The following CSTF2 variants were observed in gnomAD, a reference collection of about 807,000 sequenced individuals.
CSTF2 encodes CF-1 64 kDa subunit.
In CSTF2, 8 loss-of-function variants were observed where a neutral mutation model predicts 45.4. The ratio of observed to expected loss-of-function variants is 0.18; its 90% confidence interval spans 0.10 to 0.32. CSTF2 has a LOEUF of 0.32. CSTF2 is among the 10% of genes least tolerant of loss of function. The pLI is 1.00. For missense variants in CSTF2, 253 were observed against 477.1 expected (o/e 0.53, Z 4.38); for synonymous variants, 155 against 158.9 (o/e 0.98, Z 0.18).
At position 100,833,433 on chromosome X, in the gene CSTF2, A is replaced by G; in HGVS notation, c.1461A>G (p.Pro487=). 2 of 1,208,704 alleles carry G rather than the reference A, an allele frequency of 1.7e-6. No individual in the cohort carries two copies. Among genetic ancestry groups the G allele is most frequent in the South Asian group, 1.8e-5 (1 of 56,205 alleles). The change falls in exon 11 of 14, where the codon CCA becomes CCG. Residue 487 remains proline (P), a synonymous_variant. Transcript: ENST00000372972. ...PIPSGMQGPS[P]INMGAVVPQG... is the part of the protein sequence containing the mutation. ...CTAGTGGAATGCAGGGTCCCAGTCC[A>G]ATTAACATGGGGGCGGTTGTCCCCC...
rs891066284 is a variant in CSTF2, at chrX:100,831,729, C to G, written c.1031+73C>G. ...CTTCTTCCCTGAGAACAAAATCTTT[C>G]TGTACCAGTTGTACCTGTTTGCCTA... On this transcript the variant is annotated intron_variant, in intron 9 of 13. Transcript: ENST00000372972. 16 of 1,093,653 alleles carry G rather than the reference C, an allele frequency of 1.5e-5. No homozygotes were observed. The African/African-American group carries it at 2.0e-4, about 14-fold the overall frequency. 90.1% of individuals were successfully genotyped at this position (1,093,653 alleles called of 1,213,427 possible). A position where few individuals can be genotyped will look rare whatever the true frequency, so the allele number is the denominator to read the frequency against.
chrX:100,821,449 G>T, intron 1 of CSTF2, 78 bp from the exon 2 acceptor site: 1 of 696,289 alleles, frequency 1.4e-6, no homozygotes, highest in South Asian at 2.4e-5. Context: ...TCTTATATTT[G>T]ATGATATAAG....
intron 8 of CSTF2, among the ~76,000 whole-genome samples, chrX:100,829,731 C>A (rs1256813045): frequency 9.0e-6 from 1 of 111,526 alleles, no homozygotes; most frequent in Non-Finnish European, 1.9e-5. Context: ...GCACCACTGT[C>A]AATAGATCAT....
chrX:100,828,893 C>T (rs1039638661), intron 8 of CSTF2, among the ~76,000 whole-genome samples: 11 of 112,333 alleles, frequency 9.8e-5, no homozygotes, highest in African/African-American at 3.6e-4. Context: ...GAATAAGTTA[C>T]TTTCTCAAGG....
At chrX:100,827,419 C>T (rs180940213) in intron 7 of CSTF2, among the ~76,000 whole-genome samples, 3 of 112,147 alleles carry the variant, frequency 2.7e-5, no homozygotes, top group Admixed American at 1.9e-4. Context: ...AATGATTCCC[C>T]ATATGAAACA....
chrX:100,823,848 G>T, intron 4 of CSTF2, 38 bp from the exon 5 acceptor site: 1 of 1,192,385 alleles, frequency 8.4e-7, no homozygotes. Context: ...CAGTTTCTAA[G>T]TCATAAGTAT....
chrX:100,838,407 T>A (rs2085021901), intron 13 of CSTF2, 43 bp downstream of exon 13: 1 of 1,146,984 alleles, frequency 8.7e-7, no homozygotes, highest in East Asian at 3.1e-5. Flanking sequence ...TAGCTCCTTG[T>A]CTATTCTGGG....
intron 6 of CSTF2, among the ~76,000 whole-genome samples, chrX:100,825,022 C>T (rs1206115765): frequency 2.7e-5 from 3 of 112,472 alleles, no homozygotes; most frequent in South Asian, 3.7e-4. Context: ...CAGTGACATA[C>T]GGACATGAAA....
intron 2 of CSTF2, 47 bp downstream of exon 2, chrX:100,821,652 A>G: frequency 1.0e-6 from 1 of 980,937 alleles, no homozygotes; most frequent in Non-Finnish European, 1.4e-6. Flanking sequence ...AAAAATCACC[A>G]CAGATTTGGC....
At chrX:100,832,674 G>A in intron 9 of CSTF2, 60 bp from the exon 10 acceptor site, 1 of 1,059,385 alleles carries the variant, frequency 9.4e-7, no homozygotes, top group South Asian at 2.4e-5. Context: ...TACTGATCTG[G>A]TTGGTACTTT....
At position 100,837,400 on chromosome X, in the gene CSTF2, G is replaced by T; in HGVS notation, c.1562G>T (p.Gly521Val). 6 of 1,210,546 alleles carry T rather than the reference G, an allele frequency of 5.0e-6. No homozygotes were observed. The highest frequency in any genetic ancestry group is 4.5e-6 in the Non-Finnish European group (4 of 894,724). ...GASIQGGSQP[G>V]GFSPGQNQVT... Reference sequence around the variant, plus strand: ...AGTATACAGGGTGGAAGCCAGCCTGGCGGCTTTAGTCCCGGGCAGAACCAA... The same window carrying T: ...AGTATACAGGGTGGAAGCCAGCCTGTCGGCTTTAGTCCCGGGCAGAACCAA... The change falls in exon 12 of 14, where the codon GGC (glycine) becomes GTC (valine). Residue 521 changes from glycine to valine, a missense_variant. Gly to Val is a moderately radical substitution (Grantham distance 109). Coordinates refer to ENST00000372972, the MANE Select transcript of CSTF2 (RefSeq NM_001325.3).
intron 7 of CSTF2, 115 bp from the exon 8 acceptor site, chrX:100,827,925 G>T: frequency 2.0e-6 from 1 of 494,175 alleles, no homozygotes; most frequent in Middle Eastern, 3.5e-4. Flanking sequence ...ATCTTCCTTT[G>T]TAGGTTTCTG....
chrX:100,830,474 A>G (rs1046347373), intron 8 of CSTF2, among the ~76,000 whole-genome samples: 2 of 111,801 alleles, frequency 1.8e-5, no homozygotes, highest in Non-Finnish European at 3.8e-5. Flanking sequence ...TCCTTTTTAT[A>G]TATTTTTTTC....
At chrX:100,834,863 G>A (rs1311054363) in intron 11 of CSTF2, among the ~76,000 whole-genome samples, 1 of 111,647 alleles carries the variant, frequency 9.0e-6, no homozygotes, top group East Asian at 2.8e-4. Context: ...TATGATGCAA[G>A]ACATTGCAAG....
intron 9 of CSTF2, 81 bp downstream of exon 9, chrX:100,831,737 G>C (rs1194383505): frequency 1.9e-6 from 2 of 1,047,560 alleles, no homozygotes; most frequent in East Asian, 6.0e-5. Context: ...TTCTGTACCA[G>C]TTGTACCTGT....
intron 5 of CSTF2, 48 bp from the exon 6 acceptor site, chrX:100,824,071 AT>A (rs773514995): frequency 1.6e-5 from 19 of 1,205,597 alleles, no homozygotes; most frequent in Non-Finnish European, 1.9e-5. Flanking sequence ...GAACTACCTG[AT>A]TGCTTTGTTA....
chrX:100,839,317 A>G (rs1345614445), intron 13 of CSTF2, among the ~76,000 whole-genome samples: 1 of 109,772 alleles, frequency 9.1e-6, no homozygotes, highest in Non-Finnish European at 1.9e-5. Flanking sequence ...TTGATTACAC[A>G]TACATGTATC....
chrX:100,826,912 T>TA (rs1339246442), intron 7 of CSTF2, among the ~76,000 whole-genome samples, 155 bp downstream of exon 7: 2 of 112,106 alleles, frequency 1.8e-5, no homozygotes, highest in African/African-American at 6.5e-5. Context: ...GTAGATTTCT[T>TA]ACGTTAAATC....
At position 100,823,966 on chromosome X, in the gene CSTF2, A is replaced by G; in HGVS notation, c.525A>G (p.Ala175=). Residue 175 remains alanine (A), a synonymous_variant, in exon 5 of 14, where the codon GCA becomes GCG. Coordinates refer to ENST00000372972, the MANE Select transcript of CSTF2 (RefSeq NM_001325.3). ...AACTGGCTTATGCTTTGCTGCAAGCACAGGTAGTGATGAGAATTGTGGATC... is the reference window on the plus strand; with the variant it reads ...AACTGGCTTATGCTTTGCTGCAAGCGCAGGTAGTGATGAGAATTGTGGATC... ...NPQLAYALLQ[A]QVVMRIVDPE... 1 of 1,212,092 alleles carries G rather than the reference A, an allele frequency of 8.3e-7. No homozygotes were observed. Among genetic ancestry groups the G allele is most frequent in the Admixed American group, 2.2e-5 (1 of 46,091 alleles).
Sources: allele counts gnomAD v4.1 joint callset (sites outside exome capture counted in the v4.1 genomes callset), GRCh38; gene constraint gnomAD v4.1.1; transcripts MANE v1.5; gene names NCBI Gene and HGNC (gene_info 2026-07-23, HGNC 2026-07-21).